The following ZMIZ1 variants were observed in gnomAD, a reference collection of about 807,000 sequenced individuals.
The protein encoded by ZMIZ1 is zinc finger MIZ domain-containing protein 1.
In ZMIZ1, 17 loss-of-function variants were observed where a neutral mutation model predicts 113.9. The ratio of observed to expected loss-of-function variants is 0.15; its 90% CI spans 0.10 to 0.22. The LOEUF (loss-of-function observed/expected upper bound fraction) is 0.22, where lower values mean the gene tolerates loss of function less well. Ranked by LOEUF, ZMIZ1 falls within the 10% of genes least tolerant of loss-of-function variation. ZMIZ1 has a pLI of 1.00. For missense variants in ZMIZ1, 1,059 were observed against 1,477.8 expected, an observed-to-expected ratio of 0.72 and a Z score of 4.65; for synonymous variants, 607 against 603.1, an observed-to-expected ratio of 1.01 and a Z score of -0.09.
At chr10:79,150,365 G>A (rs978891843) in intron 3 of ZMIZ1, among the ~76,000 whole-genome samples, 6 of 152,196 alleles carry the variant, frequency 3.9e-5, no homozygotes, top group Non-Finnish European at 7.3e-5. Context: ...CCTGCCTCTG[G>A]CCTGCGCTGA....
At chr10:79,112,338 A>G (rs1431038490) in intron 1 of ZMIZ1, among the ~76,000 whole-genome samples, 3 of 152,058 alleles carry the variant, frequency 2.0e-5, no homozygotes, top group Admixed American at 2.0e-4. Context: ...AACTAAAGGG[A>G]GGGGGTTACA....
At chr10:79,218,584 G>GGTGTCTGTGTGTGTGTGT (rs1554818329) in intron 7 of ZMIZ1, among the ~76,000 whole-genome samples, 2 of 147,792 alleles carry the variant, frequency 1.4e-5, no homozygotes, top group African/African-American at 5.1e-5. Context: ...TAATTAGAGG[G>GGTGTCTGTGTGTGTGTGT]GTGTGTGTGT....
intron 9 of ZMIZ1, chr10:79,290,702 C>T: frequency 1.5e-6 from 1 of 676,120 alleles, no homozygotes; most frequent in South Asian, 1.5e-5. Flanking sequence ...CTTGAACTGG[C>T]TTTGTGGGGC....
chr10:79,168,456 T>C (rs932029534), intron 4 of ZMIZ1, among the ~76,000 whole-genome samples: 2 of 152,294 alleles, frequency 1.3e-5, no homozygotes, highest in Non-Finnish European at 2.9e-5. Flanking sequence ...TGTATACTCC[T>C]TGAAAGCTCA....
At chr10:79,090,987 G>A (rs1042934096) in intron 1 of ZMIZ1, among the ~76,000 whole-genome samples, 1 of 152,198 alleles carries the variant, frequency 6.6e-6, no homozygotes, top group African/African-American at 2.4e-5. Flanking sequence ...CCCCGCCTTG[G>A]GGGGCTCACA....
intron 1 of ZMIZ1, among the ~76,000 whole-genome samples, chr10:79,075,485 A>G (rs1482675960): frequency 2.0e-5 from 3 of 152,306 alleles, no homozygotes; most frequent in Non-Finnish European, 2.9e-5. Context: ...TTTGTCCCCA[A>G]GCTTGTTCCC....
chr10:79,310,927 C>T lies in ZMIZ1; in HGVS notation c.2839C>T (p.Pro947Ser), dbSNP rs372494443. ...CCCGCTCTCTCCTCCTCCACAGATG[C>T]CACACGCTGGCAGCTCTGACCAGCC... is the stretch of plus-strand genomic sequence containing the variant. ...PLSHPMQETMPHAGSSDQPHP... is the reference protein window; with the variant it reads ...PLSHPMQETMSHAGSSDQPHP... The change falls in exon 24 of 25, where the codon CCA becomes TCA. Residue 947 changes from proline to serine, a missense_variant. Transcript: ENST00000334512. 10 of 1,612,734 alleles carry T rather than the reference C, an allele frequency of 6.2e-6. No homozygotes were observed. Among genetic ancestry groups the T allele is most frequent in the Non-Finnish European group, 8.5e-6 (10 of 1,179,140 alleles).
chr10:79,179,643 G>A (rs889738495), intron 4 of ZMIZ1, among the ~76,000 whole-genome samples: 9 of 152,236 alleles, frequency 5.9e-5, no homozygotes, highest in Non-Finnish European at 4.4e-5. Context: ...CCCACGCACC[G>A]TCTCCCTGCA....
At chr10:79,089,515 G>T (rs933793779) in intron 1 of ZMIZ1, among the ~76,000 whole-genome samples, 11 of 152,162 alleles carry the variant, frequency 7.2e-5, no homozygotes, top group Admixed American at 5.9e-4. Flanking sequence ...CCTCTCCCTG[G>T]GCCCTGAAAA....
intron 7 of ZMIZ1, among the ~76,000 whole-genome samples, chr10:79,257,515 A>C (rs981358098): frequency 3.3e-5 from 5 of 152,196 alleles, no homozygotes; most frequent in Non-Finnish European, 7.3e-5. Flanking sequence ...TGGCCTGCAG[A>C]GCTGGGGTGG....
chr10:79,230,647 C>T (rs772039897), intron 7 of ZMIZ1, among the ~76,000 whole-genome samples: 3 of 152,156 alleles, frequency 2.0e-5, no homozygotes, highest in African/African-American at 4.8e-5. Context: ...GCACAGACGG[C>T]GGGAAAGTGG....
intron 1 of ZMIZ1, among the ~76,000 whole-genome samples, chr10:79,080,206 C>T (rs1842610510): frequency 6.6e-6 from 1 of 152,050 alleles, no homozygotes; most frequent in Non-Finnish European, 1.5e-5. Flanking sequence ...TTTCTTGGCT[C>T]TCCGCCTGTC....
intron 1 of ZMIZ1, among the ~76,000 whole-genome samples, chr10:79,079,388 C>G (rs1197910508): frequency 6.6e-6 from 1 of 152,232 alleles, no homozygotes; most frequent in East Asian, 1.9e-4. Context: ...ATGTGGACAC[C>G]TGGAAACAGT....
At chr10:79,122,132 C>T (rs752236768) in intron 2 of ZMIZ1, among the ~76,000 whole-genome samples, 15 of 152,196 alleles carry the variant, frequency 9.9e-5, no homozygotes, top group Non-Finnish European at 1.8e-4. Flanking sequence ...TGGGATTTAG[C>T]GCCAAGAACT....
chr10:79,140,863 G>A (rs1845227395), intron 3 of ZMIZ1, among the ~76,000 whole-genome samples: 1 of 152,108 alleles, frequency 6.6e-6, no homozygotes, highest in Non-Finnish European at 1.5e-5. Flanking sequence ...ATTCACTGCA[G>A]CCTCGACCTC....
chr10:79,130,719 T>G (rs777679950), intron 2 of ZMIZ1, among the ~76,000 whole-genome samples: 3 of 152,162 alleles, frequency 2.0e-5, no homozygotes, highest in Admixed American at 6.5e-5. Context: ...TCTCGGTGCT[T>G]CAATGACATC....
intron 4 of ZMIZ1, among the ~76,000 whole-genome samples, chr10:79,181,910 T>C (rs1261561067): frequency 6.6e-6 from 1 of 152,204 alleles, no homozygotes; most frequent in East Asian, 1.9e-4. Flanking sequence ...TGAGGGCGGC[T>C]GCTGGACAAG....
chr10:79,193,059 G>T (rs1344735224), intron 4 of ZMIZ1, among the ~76,000 whole-genome samples: 1 of 152,168 alleles, frequency 6.6e-6, no homozygotes, highest in African/African-American at 2.4e-5. Context: ...TGTGCCTGGT[G>T]CAGGCTACCG....
intron 2 of ZMIZ1, among the ~76,000 whole-genome samples, chr10:79,125,194 A>G (rs1201149316): frequency 6.6e-6 from 1 of 152,238 alleles, no homozygotes; most frequent in Non-Finnish European, 1.5e-5. Context: ...GCGACCGACG[A>G]TGGAGCCAGG....
Sources: allele counts gnomAD v4.1 joint callset (sites outside exome capture counted in the v4.1 genomes callset), GRCh38; gene constraint gnomAD v4.1.1; transcripts MANE v1.5; gene names NCBI Gene and HGNC (gene_info 2026-07-23, HGNC 2026-07-21).